The following TRIM54 variants were observed in gnomAD, a reference collection of about 807,000 sequenced individuals.
TRIM54 encodes tripartite motif containing 54, also known as tripartite motif-containing protein 54.
A neutral mutation model predicts 42.0 loss-of-function variants in TRIM54; 40 were observed. The observed-to-expected ratio is 0.95, with a 90% CI of 0.74 to 1.24. The LOEUF (loss-of-function observed/expected upper bound fraction) is 1.24. Ranked by LOEUF, TRIM54 falls within the 50% of genes most tolerant of loss-of-function variation. TRIM54 has a pLI of 0.00. For synonymous variants in TRIM54, 199 were observed against 194.9 expected (o/e 1.02, Z -0.17); for missense variants, 485 against 480.3 (o/e 1.01, Z -0.09).
intron 1 of TRIM54, 112 bp from the exon 2 acceptor site, chr2:27,298,455 C>T (rs1469819774): frequency 1.3e-6 from 1 of 767,354 alleles, no homozygotes. Context: ...GAGCTGACAT[C>T]TTCCCCTCCA....
At position 27,305,744 on chromosome 2, in the gene TRIM54, T is replaced by TGGAGGCCTCCTCTAAGC. The variant is rs1679182147; in HGVS notation, c.771_787dup (p.Leu263ArgfsTer30). 2.5e-6 allele frequency: 4 copies of TGGAGGCCTCCTCTAAGC among 1,610,988 alleles called. No homozygotes were observed. Among genetic ancestry groups the TGGAGGCCTCCTCTAAGC allele is most frequent in the Non-Finnish European group, 3.4e-6 (4 of 1,178,830 alleles). On this transcript the variant is annotated frameshift_variant, in exon 5 of 9. Transcript: ENST00000380075. LOFTEE classifies it high-confidence loss of function. The stretch of plus-strand genomic sequence containing the variant: ...CTCATCCGTCAGTATGGCGACCACC[T>TGGAGGCCTCCTCTAAGC]GGAGGCCTCCTCTAAGCTGGTGGAG...
Position 27,282,656 on chromosome 2 carries a change from T to A in TRIM54, c.-76T>A, listed in dbSNP as rs1678413791. 2 of 1,482,998 alleles carry A rather than the reference T, an allele frequency of 1.3e-6. No homozygotes were observed. The highest frequency in any genetic ancestry group is 1.8e-6 in the Non-Finnish European group (2 of 1,108,534). 91.9% of individuals were successfully genotyped at this position (1,482,998 alleles called of 1,614,324 possible). A position where few individuals can be genotyped will look rare whatever the true frequency, so the allele number is the denominator to read the frequency against. ...GCCACAGAAGGGAATCCAGAGGCCA[T>A]CTAAGCGAGGAAGGGTCTACAGGCA... On this transcript the variant is annotated 5_prime_UTR_variant, in exon 1 of 9. Transcript: ENST00000380075.
At chr2:27,283,768 A>ACGCACGCGCGCGCGCGCGCG (rs1678459402) in intron 1 of TRIM54, among the ~76,000 whole-genome samples, 2 of 93,924 alleles carry the variant, frequency 2.1e-5, no homozygotes, top group Admixed American at 1.1e-4. Flanking sequence ...GCAAAGGCAC[A>ACGCACGCGCGCGCGCGCGCG]CACACACACA....
Position 27,298,753 on chromosome 2 carries a change from G to A in TRIM54, c.341+14G>A. On this transcript the variant is annotated intron_variant, in intron 2 of 8. Transcript: ENST00000380075. The stretch of plus-strand genomic sequence containing the variant: ...GGAGTCATCCAGGTGAGCCACCAGA[G>A]TCTCTTGCCTCTCTCATGACAGGGC... The A allele has an allele frequency of 6.2e-7, 1 of 1,612,466 alleles. No homozygotes were observed. Among genetic ancestry groups the A allele is most frequent in the Non-Finnish European group, 8.5e-7 (1 of 1,179,024 alleles).
At chr2:27,284,882 G>T (rs768547023) in intron 1 of TRIM54, among the ~76,000 whole-genome samples, 1 of 152,182 alleles carries the variant, frequency 6.6e-6, no homozygotes, top group Admixed American at 6.5e-5. Context: ...CATACATGGA[G>T]GCTAGAATGT....
At chr2:27,303,831 T>G (rs897283463) in intron 3 of TRIM54, among the ~76,000 whole-genome samples, 3 of 152,180 alleles carry the variant, frequency 2.0e-5, no homozygotes, top group Non-Finnish European at 2.9e-5. Flanking sequence ...ATATTGGAAT[T>G]ATTAAATAAT....
At chr2:27,301,697 T>C (rs1335152049) in intron 3 of TRIM54, among the ~76,000 whole-genome samples, 1 of 152,156 alleles carries the variant, frequency 6.6e-6, no homozygotes, top group East Asian at 1.9e-4. Context: ...CTGTATCTTG[T>C]GCCGACCTCC....
At chr2:27,295,659 G>A (rs1678848635) in intron 1 of TRIM54, among the ~76,000 whole-genome samples, 1 of 152,192 alleles carries the variant, frequency 6.6e-6, no homozygotes, top group African/African-American at 2.4e-5. Context: ...TGTGGCTCAG[G>A]AAGAGGAAGG....
At chr2:27,293,407 T>C (rs978166196) in intron 1 of TRIM54, among the ~76,000 whole-genome samples, 1 of 152,172 alleles carries the variant, frequency 6.6e-6, no homozygotes, top group African/African-American at 2.4e-5. Context: ...TTGTGTTGTC[T>C]TGGAGTATTT....
At chr2:27,284,033 T>A (rs1678487498) in intron 1 of TRIM54, among the ~76,000 whole-genome samples, 1 of 152,142 alleles carries the variant, frequency 6.6e-6, no homozygotes, top group Non-Finnish European at 1.5e-5. Context: ...CTCAGGAGGC[T>A]GAGGCAGGAG....
chr2:27,305,394 A>C (rs1679164177), intron 4 of TRIM54, 190 bp from the exon 5 acceptor site: 1 of 602,686 alleles, frequency 1.7e-6, no homozygotes, highest in East Asian at 2.8e-5. Flanking sequence ...GACAGCAATC[A>C]GTGAAGCTAC....
chr2:27,302,792 GAAAAT>G (rs889406429), intron 3 of TRIM54, among the ~76,000 whole-genome samples: 36 of 152,022 alleles, frequency 2.4e-4, no homozygotes, highest in African/African-American at 8.7e-4. Flanking sequence ...ACTCTGTCTC[GAAAAT>G]AAAATAAAAG....
intron 1 of TRIM54, among the ~76,000 whole-genome samples, chr2:27,292,138 C>T (rs984912479): frequency 1.2e-4 from 18 of 152,190 alleles, no homozygotes; most frequent in African/African-American, 3.4e-4. Flanking sequence ...AAAGAAATTG[C>T]TTTGGCAGGT....
At chr2:27,283,664 A>T (rs1678447791) in intron 1 of TRIM54, among the ~76,000 whole-genome samples, 3 of 151,694 alleles carry the variant, frequency 2.0e-5, no homozygotes, top group African/African-American at 7.3e-5. Context: ...CATATACCAG[A>T]ATGGATTATA....
intron 1 of TRIM54, among the ~76,000 whole-genome samples, chr2:27,285,307 G>C (rs1678524963): frequency 6.6e-6 from 1 of 152,180 alleles, no homozygotes; most frequent in African/African-American, 2.4e-5. Context: ...GGCATAATCA[G>C]ATTGTCTGTT....
Position 27,305,762 on chromosome 2 carries a change from T to A in TRIM54, c.788T>A (p.Leu263Gln). 1.2e-6 allele frequency: 2 copies of A among 1,611,428 alleles called. No individual in the cohort carries two copies. The highest frequency in any genetic ancestry group is 1.7e-6 in the Non-Finnish European group (2 of 1,178,892). Residue 263 changes from leucine to glutamine, a missense_variant, in exon 5 of 9, where the codon CTG (leucine) becomes CAG (glutamine). Transcript: ENST00000380075. ...GACCACCTGGAGGCCTCCTCTAAGCTGGTGGAGTCTGCCATCCAGTCCATG... is the reference window on the plus strand; with the variant it reads ...GACCACCTGGAGGCCTCCTCTAAGCAGGTGGAGTCTGCCATCCAGTCCATG... ...YGDHLEASSK[L>Q]VESAIQSMEE...
intron 1 of TRIM54, among the ~76,000 whole-genome samples, chr2:27,295,810 G>A (rs1678852253): frequency 2.0e-5 from 3 of 152,188 alleles, no homozygotes; most frequent in Admixed American, 6.5e-5. Context: ...ACAGGAGACT[G>A]CAGCCTTAGA....
intron 2 of TRIM54, among the ~76,000 whole-genome samples, 183 bp downstream of exon 2, chr2:27,298,922 A>T (rs967710160): frequency 6.6e-6 from 1 of 152,146 alleles, no homozygotes; most frequent in African/African-American, 2.4e-5. Flanking sequence ...CTGATTCCCT[A>T]GCCAGTACTT....
rs139100861 is a variant in TRIM54, at chr2:27,302,415, C to T, written c.514-2544C>T. Reference sequence around the variant, plus strand: ...GAGCCAAGATCGGGCCGCTGCACTCCAGCCTGGGCGACAGAGCGAGACTCC... The same window carrying T: ...GAGCCAAGATCGGGCCGCTGCACTCTAGCCTGGGCGACAGAGCGAGACTCC... On this transcript the variant is annotated intron_variant, in intron 3 of 8. Transcript: ENST00000380075. 3.2e-3 allele frequency among the ~76,000 whole-genome samples: 490 copies of T among 151,800 alleles called. 2 individuals are homozygous for T. Among genetic ancestry groups the T allele is most frequent in the African/African-American group, 0.011 (474 of 41,354 alleles).
Sources: gnomAD v4.1 joint callset for allele counts (sites outside exome capture counted in the v4.1 genomes callset) on GRCh38, gnomAD v4.1.1 for gene constraint, MANE v1.5 for transcripts, NCBI Gene and HGNC (gene_info 2026-07-23, HGNC 2026-07-21) for gene names.